The following DPPA2 variants were observed in gnomAD, a reference collection of about 807,000 sequenced individuals.
The protein encoded by DPPA2 is developmental pluripotency-associated protein 2.
A neutral mutation model predicts 36.2 loss-of-function variants in DPPA2; 26 were observed. The ratio of observed to expected loss-of-function variants is 0.72; its 90% CI spans 0.53 to 1.00. DPPA2 has a LOEUF of 1.00. Ranked by LOEUF, DPPA2 falls within the 50% of genes least tolerant of loss-of-function variation. The pLI, the probability that DPPA2 is intolerant of heterozygous loss-of-function variation, is 0.00. For synonymous variants in DPPA2, 113 were observed against 123.2 expected, an observed-to-expected ratio of 0.92 and a Z score of 0.55; for missense variants, 361 against 365.1, an observed-to-expected ratio of 0.99 and a Z score of 0.09.
At chr3:109,296,356 G>A (rs946547129) in intron 8 of DPPA2, among the ~76,000 whole-genome samples, 9 of 152,186 alleles carry the variant, frequency 5.9e-5, no homozygotes, top group African/African-American at 2.2e-4. Flanking sequence ...TTACAAACAA[G>A]AAGAGAGTAA....
intron 8 of DPPA2, among the ~76,000 whole-genome samples, chr3:109,295,928 T>G (rs1198916438): frequency 6.6e-6 from 1 of 152,178 alleles, no homozygotes; most frequent in Non-Finnish European, 1.5e-5. Flanking sequence ...CTTCATGGAC[T>G]CATCTATAGC....
chr3:109,314,525 C>CA lies in DPPA2; in HGVS notation c.17dup (p.Leu6PhefsTer3). The CA allele has an allele frequency of 6.2e-7, 1 of 1,610,348 alleles. No individual in the cohort carries two copies. The highest frequency in any genetic ancestry group is 8.5e-7 in the Non-Finnish European group (1 of 1,177,454). On this transcript the variant is annotated frameshift_variant, in exon 2 of 9. Transcript: ENST00000478945. LOFTEE classifies it high-confidence loss of function. ...TGAAACTTACCTTCTTGCTGCTATC[C>CA]AAATTTGCATCTGACATTTTCAGCA... is the stretch of plus-strand genomic sequence containing the variant.
At chr3:109,311,225 G>C (rs943317037) in intron 3 of DPPA2, among the ~76,000 whole-genome samples, 4 of 152,106 alleles carry the variant, frequency 2.6e-5, no homozygotes, top group Non-Finnish European at 5.9e-5. Context: ...CCTCCAAAAT[G>C]TCTAGATTTT....
intron 7 of DPPA2, among the ~76,000 whole-genome samples, chr3:109,300,876 C>T (rs1707446420): frequency 6.6e-6 from 1 of 150,920 alleles, no homozygotes; most frequent in Non-Finnish European, 1.5e-5. Flanking sequence ...GTCATTTGCC[C>T]TAAAACCTAG....
intron 5 of DPPA2, among the ~76,000 whole-genome samples, chr3:109,308,693 T>C (rs913590254): frequency 1.3e-5 from 2 of 152,130 alleles, no homozygotes; most frequent in African/African-American, 4.8e-5. Flanking sequence ...GACCTGAACA[T>C]GTATGTCAAT....
intron 2 of DPPA2, among the ~76,000 whole-genome samples, 171 bp from the exon 3 acceptor site, chr3:109,312,863 A>G (rs544056057): frequency 6.6e-6 from 1 of 152,352 alleles, no homozygotes; most frequent in South Asian, 2.1e-4. Context: ...TATTAAATAA[A>G]GGAAACATGG....
intron 7 of DPPA2, among the ~76,000 whole-genome samples, chr3:109,301,124 C>A (rs1160561103): frequency 6.6e-6 from 1 of 151,678 alleles, no homozygotes; most frequent in Non-Finnish European, 1.5e-5. Flanking sequence ...GTTGGGACCA[C>A]AGGTGCATGC....
intron 2 of DPPA2, among the ~76,000 whole-genome samples, chr3:109,313,437 A>G (rs550071609): frequency 6.6e-6 from 1 of 152,314 alleles, no homozygotes; most frequent in East Asian, 1.9e-4. Context: ...TGTTGTTTTT[A>G]TGATCTGATG....
rs9874013 is a variant in DPPA2 at position 109,307,323 on chromosome 3, C to T, written c.658+709G>A. Reference sequence around the variant, plus strand: ...CATTTTATATAACAGGATACTTGGCCGGGAGCAGTGGCTCACACCTGTAAT... The same window carrying T: ...CATTTTATATAACAGGATACTTGGCTGGGAGCAGTGGCTCACACCTGTAAT... On this transcript the variant is annotated intron_variant, in intron 6 of 8. Transcript: ENST00000478945. Among the ~76,000 whole-genome samples the T allele has an allele frequency of 6.2e-3, 942 of 151,760 alleles. 5 individuals are homozygous for T. Among genetic ancestry groups the T allele is most frequent in the African/African-American group, 0.021 (882 of 41,408 alleles).
intron 8 of DPPA2, among the ~76,000 whole-genome samples, chr3:109,296,019 T>G (rs1707345815): frequency 6.6e-6 from 1 of 152,102 alleles, no homozygotes; most frequent in Admixed American, 6.6e-5. Context: ...ATGAAAAATC[T>G]TTTTAAAAAG....
chr3:109,311,585 C>A (rs1451096337), intron 3 of DPPA2, among the ~76,000 whole-genome samples: 1 of 151,876 alleles, frequency 6.6e-6, no homozygotes, highest in Non-Finnish European at 1.5e-5. Flanking sequence ...ATTAAAAATA[C>A]AAACATTAGC....
rs376822162 is a variant in DPPA2 at position 109,304,587 on chromosome 3, C to T, written c.742G>A (p.Ala248Thr). The T allele has an allele frequency of 2.5e-6, 4 of 1,613,956 alleles. No individual in the cohort carries two copies. The highest frequency in any genetic ancestry group is 1.7e-5 in the Admixed American group (1 of 59,972). ...WVRLQFHAGQ[A>T]WVPTTHRRMI... ...CTCCTGTGAGTGGTAGGCACCCAGG[C>T]CTGACCTGCATGAAACTGCAGGCGT... Residue 248 changes from alanine to threonine, a missense_variant, in exon 7 of 9, where the codon GCC becomes ACC. By Grantham distance (58) the Ala-to-Thr change is moderately conservative (BLOSUM62 0). Transcript: ENST00000478945.
At chr3:109,314,480 G>C in intron 2 of DPPA2, 30 bp downstream of exon 2, 1 of 1,603,342 alleles carries the variant, frequency 6.2e-7, no homozygotes, top group Non-Finnish European at 8.5e-7. Flanking sequence ...GCGACTGTGA[G>C]AAAAGTAATT....
At chr3:109,296,243 A>AG (rs1164009449) in intron 8 of DPPA2, among the ~76,000 whole-genome samples, 1 of 152,222 alleles carries the variant, frequency 6.6e-6, no homozygotes, top group East Asian at 1.9e-4. Flanking sequence ...CTCAAACTGC[A>AG]GAAAAACAAA....
At chr3:109,303,466 G>T (rs529270865) in intron 7 of DPPA2, among the ~76,000 whole-genome samples, 1 of 151,788 alleles carries the variant, frequency 6.6e-6, no homozygotes, top group African/African-American at 2.4e-5. Flanking sequence ...TGCCTCCCGG[G>T]TTCAGCGATT....
rs1369554028 is a variant in DPPA2 at position 109,309,211 on chromosome 3, G to A, written c.301C>T (p.Arg101Trp). The A allele has an allele frequency of 5.0e-6, 8 of 1,613,968 alleles. No homozygotes were observed. The highest frequency in any genetic ancestry group is 2.7e-5 in the African/African-American group (2 of 74,900). ...AAACCGAGTTGTTGACACCAGTCCC[G>A]CAAAGTGTCCCGACACACCTTATTA... is the stretch of plus-strand genomic sequence containing the variant. The part of the protein sequence containing the change: ...PINKVCRDTL[R>W]DWCQQLGLST... Residue 101 changes from arginine to tryptophan, a missense_variant, in exon 4 of 9, where the codon CGG becomes TGG. Arg to Trp is a moderately radical substitution (Grantham distance 101, BLOSUM62 -3). Coordinates refer to ENST00000478945, the MANE Select transcript of DPPA2 (RefSeq NM_138815.4).
intron 6 of DPPA2, 57 bp downstream of exon 6, chr3:109,307,975 T>C: frequency 6.4e-7 from 1 of 1,567,768 alleles, no homozygotes; most frequent in Non-Finnish European, 8.7e-7. Flanking sequence ...AGTCTTGGAC[T>C]AATAAAAGTT....
At chr3:109,310,199 GC>G (rs1248630407) in intron 3 of DPPA2, among the ~76,000 whole-genome samples, 3 of 144,726 alleles carry the variant, frequency 2.1e-5, no homozygotes, top group Non-Finnish European at 4.5e-5. Context: ...TTGCACTCCA[GC>G]CTGGGCAACA....
rs115860935 is a variant in DPPA2 at position 109,302,874 on chromosome 3, C to A, written c.854+1601G>T. Among the ~76,000 whole-genome samples the A allele has an allele frequency of 6.1e-3, 924 of 151,922 alleles. 13 individuals carry two copies. Among genetic ancestry groups the A allele is most frequent in the African/African-American group, 0.021 (887 of 41,432 alleles). ...GGATGGACATCGGGAATTCTATAGT[C>A]TAAAGCAGTGTTTATGTGCATGTAT... is the stretch of plus-strand genomic sequence containing the variant. On this transcript the variant is annotated intron_variant, in intron 7 of 8. Coordinates refer to ENST00000478945, the MANE Select transcript of DPPA2 (RefSeq NM_138815.4).
Sources: allele counts gnomAD v4.1 joint callset (sites outside exome capture counted in the v4.1 genomes callset), GRCh38; gene constraint gnomAD v4.1.1; transcripts MANE v1.5; gene names NCBI Gene and HGNC (gene_info 2026-07-23, HGNC 2026-07-21).